Variants in COG5 observed in about 807,000 individuals in gnomAD.
COG5 encodes conserved oligomeric Golgi complex subunit 5.
A neutral mutation model predicts 110.4 loss-of-function variants in COG5; 86 were observed. The ratio of observed to expected loss-of-function variants is 0.78; its 90% CI spans 0.65 to 0.93. COG5 has a LOEUF of 0.93. Among genes scored for constraint, COG5 ranks in the 40% least tolerant of loss-of-function variants. COG5 has a pLI of 0.00. For missense variants in COG5, 1,077 were observed against 987.0 expected, an observed-to-expected ratio of 1.09 and a Z score of -1.22; for synonymous variants, 360 against 334.6, an observed-to-expected ratio of 1.08 and a Z score of -0.83.
chr7:107,323,777 C>T (rs76208112), intron 11 of COG5, among the ~76,000 whole-genome samples: 24,267 of 151,894 alleles, frequency 0.16, 2,352 homozygotes, highest in Non-Finnish European at 0.22. Flanking sequence ...CTAGTAAATG[C>T]TTGTGAATAA....
intron 7 of COG5, among the ~76,000 whole-genome samples, chr7:107,385,988 T>TTGTGTGTG (rs59992824): frequency 3.9e-4 from 56 of 144,830 alleles, no homozygotes; most frequent in African/African-American, 1.3e-3. Context: ...AAACCAGGTT[T>TTGTGTGTG]TGTGTGTGTG....
At chr7:107,291,039 CT>C (rs1313527428) in intron 12 of COG5, among the ~76,000 whole-genome samples, 1 of 152,124 alleles carries the variant, frequency 6.6e-6, no homozygotes, top group African/African-American at 2.4e-5. Context: ...GTTTGTGGGT[CT>C]TTTTGCATTA....
At chr7:107,490,421 C>T (rs944561654) in intron 6 of COG5, among the ~76,000 whole-genome samples, 1 of 152,084 alleles carries the variant, frequency 6.6e-6, no homozygotes, top group African/African-American at 2.4e-5. Flanking sequence ...TACAAAAATA[C>T]CATCTTTTTT....
chr7:107,256,045 C>T (rs953901124), intron 16 of COG5, among the ~76,000 whole-genome samples: 2 of 152,078 alleles, frequency 1.3e-5, no homozygotes, highest in South Asian at 2.1e-4. Flanking sequence ...CTCTCTAGTA[C>T]TCTTGATAAT....
At chr7:107,354,399 C>A (rs2129043004) in intron 10 of COG5, among the ~76,000 whole-genome samples, 1 of 152,320 alleles carries the variant, frequency 6.6e-6, no homozygotes, top group South Asian at 2.1e-4. Context: ...TGAACTAGGG[C>A]TGGGTGTGGT....
At chr7:107,562,273 A>G (rs1436301520) in intron 1 of COG5, among the ~76,000 whole-genome samples, 1 of 152,234 alleles carries the variant, frequency 6.6e-6, no homozygotes, top group South Asian at 2.1e-4. Context: ...AGAACTGAAG[A>G]GTATTTACCG....
At chr7:107,414,117 C>T (rs965886588) in intron 6 of COG5, among the ~76,000 whole-genome samples, 10 of 152,110 alleles carry the variant, frequency 6.6e-5, no homozygotes, top group African/African-American at 2.2e-4. Context: ...TATAACTGTT[C>T]AAAAAATTTG....
chr7:107,298,456 G>A, intron 11 of COG5, 110 bp from the exon 12 acceptor site: 1 of 789,156 alleles, frequency 1.3e-6, no homozygotes, highest in South Asian at 1.8e-5. Context: ...GCAAACCAAA[G>A]ACGTGTTCTA....
chr7:107,424,515 T>G (rs1793510911), intron 6 of COG5, among the ~76,000 whole-genome samples: 4 of 151,862 alleles, frequency 2.6e-5, no homozygotes, highest in Admixed American at 2.0e-4. Context: ...CTTTTTTTTT[T>G]TTTTTGAAAA....
intron 13 of COG5, among the ~76,000 whole-genome samples, chr7:107,281,728 A>C (rs1041657515): frequency 6.6e-5 from 10 of 152,204 alleles, no homozygotes; most frequent in Admixed American, 4.6e-4. Context: ...GAGGCATTGC[A>C]TATCACAGAC....
chr7:107,251,454 T>C (rs1310314783), intron 16 of COG5, among the ~76,000 whole-genome samples: 1 of 152,148 alleles, frequency 6.6e-6, no homozygotes, highest in African/African-American at 2.4e-5. Context: ...GCCTATGAAG[T>C]ATCCATTCTT....
chr7:107,510,588 A>T (rs1294200955), intron 6 of COG5, among the ~76,000 whole-genome samples: 22 of 152,226 alleles, frequency 1.4e-4, no homozygotes, highest in Non-Finnish European at 3.2e-4. Flanking sequence ...AAATCAACAG[A>T]ATATACATTC....
At chr7:107,421,294 A>T (rs1314004439) in intron 6 of COG5, among the ~76,000 whole-genome samples, 2 of 152,188 alleles carry the variant, frequency 1.3e-5, no homozygotes, top group African/African-American at 4.8e-5. Context: ...ATCTCTCCTT[A>T]GATGCCCTAG....
At chr7:107,434,537 A>C (rs1371598171) in intron 6 of COG5, among the ~76,000 whole-genome samples, 1 of 152,196 alleles carries the variant, frequency 6.6e-6, no homozygotes, top group Non-Finnish European at 1.5e-5. Context: ...CCACTGAAGA[A>C]CTTATTTGTG....
chr7:107,523,870 T>C (rs1429092105), intron 6 of COG5, among the ~76,000 whole-genome samples: 2 of 152,052 alleles, frequency 1.3e-5, no homozygotes, highest in Non-Finnish European at 2.9e-5. Context: ...AAAAATAATC[T>C]TGGCAATTTT....
chr7:107,379,090 A>G (rs963523577), intron 7 of COG5, among the ~76,000 whole-genome samples: 3 of 152,242 alleles, frequency 2.0e-5, no homozygotes, highest in African/African-American at 7.2e-5. Flanking sequence ...AAACCCTAAA[A>G]GCCAGAAGAG....
intron 11 of COG5, among the ~76,000 whole-genome samples, chr7:107,318,515 T>C (rs1808964661): frequency 6.6e-6 from 1 of 152,210 alleles, no homozygotes. Context: ...ACTACAGCCA[T>C]AAATAATTTT....
chr7:107,440,006 A>C (rs1207617428), intron 6 of COG5, among the ~76,000 whole-genome samples: 1 of 152,182 alleles, frequency 6.6e-6, no homozygotes, highest in Non-Finnish European at 1.5e-5. Context: ...ATCCTCCATG[A>C]ATTTCTTGAC....
At chr7:107,354,839 T>G (rs1376989721) in intron 10 of COG5, among the ~76,000 whole-genome samples, 1 of 152,238 alleles carries the variant, frequency 6.6e-6, no homozygotes, top group Non-Finnish European at 1.5e-5. Flanking sequence ...TTACATGACC[T>G]ACCCAAGGTT....
Sources: allele counts gnomAD v4.1 joint callset (sites outside exome capture counted in the v4.1 genomes callset), GRCh38; gene constraint gnomAD v4.1.1; transcripts MANE v1.5; gene names NCBI Gene and HGNC (gene_info 2026-07-23, HGNC 2026-07-21).